Variants in KCNC2 observed in about 807,000 individuals in gnomAD.
KCNC2 encodes the protein voltage-gated potassium channel KCNC2.
A neutral mutation model predicts 44.5 loss-of-function variants in KCNC2; 21 were observed. The ratio of observed to expected loss-of-function variants is 0.47; its 90% CI spans 0.33 to 0.68. KCNC2 has a LOEUF of 0.68. Among genes scored for constraint, KCNC2 ranks in the 30% least tolerant of loss-of-function variants. The pLI is 0.01. For missense variants in KCNC2, 589 were observed against 826.2 expected, an observed-to-expected ratio of 0.71 and a Z score of 3.52; for synonymous variants, 391 against 339.1, an observed-to-expected ratio of 1.15 and a Z score of -1.68.
chr12:75,064,479 G>T (rs1882636683), intron 2 of KCNC2, among the ~76,000 whole-genome samples: 1 of 151,966 alleles, frequency 6.6e-6, no homozygotes, highest in Non-Finnish European at 1.5e-5. Flanking sequence ...AATGAATTCT[G>T]TTGATCAGCA....
chr12:75,051,373 T>C, intron 2 of KCNC2, 56 bp from the exon 3 acceptor site: 1 of 984,134 alleles, frequency 1.0e-6, no homozygotes, highest in African/African-American at 1.6e-5. Flanking sequence ...TAATATATGT[T>C]GATTCTAATC....
intron 2 of KCNC2, among the ~76,000 whole-genome samples, chr12:75,161,477 C>A (rs1009245078): frequency 1.3e-5 from 2 of 151,666 alleles, no homozygotes; most frequent in African/African-American, 4.8e-5. Context: ...TTACCCAGCA[C>A]CAGGGGCTTT....
chr12:75,083,924 A>G (rs1241405348), intron 2 of KCNC2, among the ~76,000 whole-genome samples: 1 of 151,970 alleles, frequency 6.6e-6, no homozygotes, highest in African/African-American at 2.4e-5. Context: ...CTCAAGGAAT[A>G]CATACAGTAG....
chr12:75,095,601 G>T (rs1885856819), intron 2 of KCNC2, among the ~76,000 whole-genome samples: 1 of 151,612 alleles, frequency 6.6e-6, no homozygotes, highest in Non-Finnish European at 1.5e-5. Context: ...AAACAGAAAA[G>T]AAAATTTTCA....
intron 2 of KCNC2, among the ~76,000 whole-genome samples, chr12:75,070,734 A>G (rs956585366): frequency 6.6e-6 from 1 of 151,886 alleles, no homozygotes; most frequent in Admixed American, 6.6e-5. Flanking sequence ...TATAAAATTT[A>G]TATCTTTTTA....
intron 2 of KCNC2, among the ~76,000 whole-genome samples, chr12:75,142,553 G>C (rs1366416577): frequency 6.6e-6 from 1 of 152,162 alleles, no homozygotes; most frequent in African/African-American, 2.4e-5. Flanking sequence ...TCATAGATCT[G>C]TAGTTTGAGG....
At chr12:75,122,117 C>T (rs1888087871) in intron 2 of KCNC2, among the ~76,000 whole-genome samples, 1 of 152,118 alleles carries the variant, frequency 6.6e-6, no homozygotes, top group South Asian at 2.1e-4. Flanking sequence ...CATCCACTAC[C>T]ACCAAGACAA....
At position 75,188,718 on chromosome 12, in the gene KCNC2, G is replaced by A. The variant is rs931434014; in HGVS notation, c.687+18579C>T. ...TACTAAAAATACAAAAAATTAGCTG[G>A]GCATGGTGGTGCGTGCCTGTAATCC... On this transcript the variant is annotated intron_variant, in intron 2 of 4. Transcript: ENST00000549446. Among the ~76,000 whole-genome samples the A allele has an allele frequency of 1.7e-4, 26 of 151,870 alleles. 1 individual carries two copies. Among genetic ancestry groups the A allele is most frequent in the Admixed American group, 1.3e-3 (20 of 15,240 alleles).
chr12:75,040,995 C>A lies in KCNC2; in HGVS notation c.*2110G>T. On this transcript the variant is annotated 3_prime_UTR_variant, in exon 5 of 5. Coordinates refer to ENST00000549446, the MANE Select transcript of KCNC2 (RefSeq NM_139137.4). Reference sequence around the variant, plus strand: ...CACTGGCCAGTCTACAAGCAGAGCACTCTCATGGGGAGCACCAGATGAGTT... The same window carrying A: ...CACTGGCCAGTCTACAAGCAGAGCAATCTCATGGGGAGCACCAGATGAGTT... 1 of 824,686 alleles carries A rather than the reference C, an allele frequency of 1.2e-6. No homozygotes were observed. The allele number at this position is 824,686 out of a possible 1,614,324, so 51.1% of individuals were successfully genotyped here.
chr12:75,062,933 G>A (rs1377309549), intron 2 of KCNC2, among the ~76,000 whole-genome samples: 2 of 152,012 alleles, frequency 1.3e-5, no homozygotes, highest in Admixed American at 6.6e-5. Flanking sequence ...CAGCTTCAAT[G>A]ACTACATTCT....
chr12:75,175,425 A>G (rs1037705478), intron 2 of KCNC2, among the ~76,000 whole-genome samples: 1 of 152,048 alleles, frequency 6.6e-6, no homozygotes, highest in Admixed American at 6.6e-5. Flanking sequence ...ATTACATTAA[A>G]GATTGCATCA....
Position 75,048,226 on chromosome 12 carries a change from G to GT in KCNC2, c.1706dup (p.Asn569LysfsTer14). 1 of 1,613,014 alleles carries GT rather than the reference G, an allele frequency of 6.2e-7. No homozygotes were observed. Among genetic ancestry groups the GT allele is most frequent in the Non-Finnish European group, 8.5e-7 (1 of 1,179,338 alleles). On this transcript the variant is annotated frameshift_variant, in exon 4 of 5. Transcript: ENST00000549446. LOFTEE classifies it high-confidence loss of function. Reference sequence around the variant, plus strand: ...GTAGGAAACATGTTTCCCCTCTTCTGTTTTTGTCTCTGGTACTAGAGCGTC... The same window carrying GT: ...GTAGGAAACATGTTTCCCCTCTTCTGTTTTTTGTCTCTGGTACTAGAGCGTC...
intron 2 of KCNC2, among the ~76,000 whole-genome samples, chr12:75,197,305 C>T (rs1190865176): frequency 6.6e-6 from 1 of 151,920 alleles, no homozygotes; most frequent in Non-Finnish European, 1.5e-5. Flanking sequence ...CTGTCTTTGC[C>T]ATGTTTCATG....
intron 2 of KCNC2, chr12:75,124,217 G>A (rs1308873124): frequency 6.6e-6 from 1 of 152,088 alleles, no homozygotes; most frequent in Non-Finnish European, 1.5e-5. Context: ...GATTAATCTA[G>A]GGGATTTGTT....
chr12:75,163,469 G>C (rs983418986), intron 2 of KCNC2, among the ~76,000 whole-genome samples: 5 of 151,820 alleles, frequency 3.3e-5, no homozygotes, highest in African/African-American at 1.2e-4. Flanking sequence ...ATGCATTTAA[G>C]TTTCTGCACG....
At chr12:75,098,698 G>A (rs530251863) in intron 2 of KCNC2, among the ~76,000 whole-genome samples, 1 of 152,124 alleles carries the variant, frequency 6.6e-6, no homozygotes, top group South Asian at 2.1e-4. Flanking sequence ...GGCAGAGGCT[G>A]CAGTGAGCTG....
chr12:75,142,856 A>G (rs958773554), intron 2 of KCNC2, among the ~76,000 whole-genome samples: 4 of 152,224 alleles, frequency 2.6e-5, no homozygotes, highest in Non-Finnish European at 4.4e-5. Context: ...CACTATAGCC[A>G]CAAGTCCGCC....
chr12:75,127,233 T>C (rs1449428613), intron 2 of KCNC2, among the ~76,000 whole-genome samples: 1 of 152,164 alleles, frequency 6.6e-6, no homozygotes, highest in African/African-American at 2.4e-5. Context: ...GTTGAAAATG[T>C]AGCTCAAATT....
At chr12:75,054,707 A>C (rs1217311450) in intron 2 of KCNC2, among the ~76,000 whole-genome samples, 1 of 152,178 alleles carries the variant, frequency 6.6e-6, no homozygotes, top group African/African-American at 2.4e-5. Context: ...GAGTCATAAA[A>C]ATAAGAATGC....
Sources: allele counts gnomAD v4.1 joint callset (sites outside exome capture counted in the v4.1 genomes callset), GRCh38; gene constraint gnomAD v4.1.1; transcripts MANE v1.5; gene names NCBI Gene and HGNC (gene_info 2026-07-23, HGNC 2026-07-21).